The following CDKAL1 variants were observed in gnomAD, a reference collection of about 807,000 sequenced individuals.
The protein encoded by CDKAL1 is threonylcarbamoyladenosine tRNA methylthiotransferase.
Under a neutral mutation model 68.2 loss-of-function variants are expected in CDKAL1, and 32 were observed. That is an observed-to-expected ratio of 0.47 (90% confidence interval 0.35 to 0.63). The LOEUF is 0.63. Among genes scored for constraint, CDKAL1 ranks in the 30% least tolerant of loss-of-function variants. The pLI is 0.00. For missense variants in CDKAL1, 606 were observed against 696.7 expected, an observed-to-expected ratio of 0.87 and a Z score of 1.47; for synonymous variants, 234 against 244.3, an observed-to-expected ratio of 0.96 and a Z score of 0.39.
chr6:21,119,148 C>T (rs552113103), intron 13 of CDKAL1, among the ~76,000 whole-genome samples: 17 of 152,240 alleles, frequency 1.1e-4, no homozygotes, highest in African/African-American at 3.9e-4. Context: ...CCCTCCCTTC[C>T]TCTTTCTTCC....
intron 4 of CDKAL1, among the ~76,000 whole-genome samples, chr6:20,621,224 G>A (rs1767177402): frequency 6.6e-6 from 1 of 152,092 alleles, no homozygotes; most frequent in South Asian, 2.1e-4. Context: ...AGGTTATTAT[G>A]TATTCTAGGA....
In CDKAL1 at chr6:21,232,034, T is replaced by C. The variant is rs191687506; in HGVS notation, c.*995T>C. On this transcript the variant is annotated 3_prime_UTR_variant, in exon 16 of 16. Transcript: ENST00000274695. ...GTTTTTTTTTTTTTTTGAGTCAAGG[T>C]CTCACTCTGTCACCCTGGCTGGAGT... The C allele has an allele frequency of 1.4e-4, 17 of 123,908 alleles. No individual in the cohort carries two copies. The highest frequency in any genetic ancestry group is 4.9e-4 in the African/African-American group (17 of 34,972). The allele number at this position is 123,908 out of a possible 1,614,324, so 7.7% of individuals were successfully genotyped here. A position where few individuals can be genotyped will look rare whatever the true frequency, so the allele number is the denominator to read the frequency against.
At chr6:21,137,377 G>A (rs958359810) in intron 13 of CDKAL1, among the ~76,000 whole-genome samples, 1 of 151,966 alleles carries the variant, frequency 6.6e-6, no homozygotes, top group Non-Finnish European at 1.5e-5. Context: ...GTACTTGACC[G>A]TCACCGCCAC....
chr6:21,063,458 C>T (rs1020996229), intron 11 of CDKAL1, among the ~76,000 whole-genome samples: 2 of 152,184 alleles, frequency 1.3e-5, no homozygotes, highest in Non-Finnish European at 1.5e-5. Context: ...AGCTTGCTAC[C>T]TTATCGCTGA....
At chr6:21,146,719 T>C (rs1776186174) in intron 13 of CDKAL1, among the ~76,000 whole-genome samples, 1 of 151,696 alleles carries the variant, frequency 6.6e-6, no homozygotes, top group Non-Finnish European at 1.5e-5. Context: ...GGCGTGGTGG[T>C]GGGCACCTGT....
At chr6:20,913,867 A>G (rs111846704) in intron 9 of CDKAL1, among the ~76,000 whole-genome samples, 3 of 152,200 alleles carry the variant, frequency 2.0e-5, no homozygotes, top group Non-Finnish European at 4.4e-5. Context: ...GGCACACCAC[A>G]TAGTCCCAAC....
chr6:20,906,024 G>C (rs1432008419), intron 9 of CDKAL1, among the ~76,000 whole-genome samples: 1 of 152,182 alleles, frequency 6.6e-6, no homozygotes, highest in Non-Finnish European at 1.5e-5. Flanking sequence ...ACACATCTCA[G>C]TAAAGATAAA....
rs577389873 is a variant in CDKAL1 at position 21,140,511 on chromosome 6, C to A, written c.1299+32048C>A. Among the ~76,000 whole-genome samples the A allele has an allele frequency of 2.0e-5, 3 of 152,186 alleles. No homozygotes were observed. The South Asian group carries it at 6.2e-4, about 32-fold the overall frequency. The stretch of plus-strand genomic sequence containing the variant: ...CACTGCATGTTTTTAAGAGACTTGC[C>A]CACTTTCTGACCAAATTATCCATCT... On this transcript the variant is annotated intron_variant, in intron 13 of 15. Coordinates refer to ENST00000274695, the MANE Select transcript of CDKAL1 (RefSeq NM_017774.3).
intron 15 of CDKAL1, among the ~76,000 whole-genome samples, chr6:21,202,179 C>T (rs1252260530): frequency 1.3e-5 from 2 of 152,156 alleles, no homozygotes; most frequent in Non-Finnish European, 2.9e-5. Context: ...TGTCTGTGTT[C>T]TCACTGACTG....
intron 9 of CDKAL1, among the ~76,000 whole-genome samples, chr6:20,897,347 G>A (rs768731934): frequency 3.3e-5 from 5 of 152,100 alleles, no homozygotes; most frequent in Non-Finnish European, 5.9e-5. Flanking sequence ...AATTGGGCAC[G>A]AGTGGAGGTA....
At chr6:20,589,359 C>A (rs897787563) in intron 4 of CDKAL1, among the ~76,000 whole-genome samples, 33 of 152,202 alleles carry the variant, frequency 2.2e-4, no homozygotes, top group Admixed American at 2.2e-3. Context: ...ACATTACACA[C>A]ACATGTTCTG....
At chr6:20,826,771 C>T (rs1309452751) in intron 8 of CDKAL1, among the ~76,000 whole-genome samples, 1 of 152,158 alleles carries the variant, frequency 6.6e-6, no homozygotes, top group African/African-American at 2.4e-5. Context: ...TCTGATTAAT[C>T]ACCTGCACTT....
chr6:20,727,714 G>A (rs1290677938), intron 5 of CDKAL1, among the ~76,000 whole-genome samples: 1 of 152,056 alleles, frequency 6.6e-6, no homozygotes, highest in African/African-American at 2.4e-5. Flanking sequence ...TTCTGTGTCT[G>A]CTTTTTCTTA....
At chr6:21,010,044 A>C (rs761907964) in intron 11 of CDKAL1, among the ~76,000 whole-genome samples, 41 of 152,370 alleles carry the variant, frequency 2.7e-4, no homozygotes, top group Non-Finnish European at 5.1e-4. Flanking sequence ...CAGATATCCT[A>C]AATACTCTAA....
chr6:20,951,753 A>G (rs1248676426), intron 9 of CDKAL1, among the ~76,000 whole-genome samples: 1 of 152,198 alleles, frequency 6.6e-6, no homozygotes, highest in Non-Finnish European at 1.5e-5. Context: ...TGGGAAAACG[A>G]AAACAAGTCA....
At chr6:20,746,353 A>C (rs1159002051) in intron 6 of CDKAL1, among the ~76,000 whole-genome samples, 1 of 152,254 alleles carries the variant, frequency 6.6e-6, no homozygotes, top group Non-Finnish European at 1.5e-5. Flanking sequence ...GAAGAGATTA[A>C]AGATGAAAAT....
chr6:20,795,261 A>G (rs1291564339), intron 8 of CDKAL1, among the ~76,000 whole-genome samples: 2 of 152,114 alleles, frequency 1.3e-5, no homozygotes, highest in Non-Finnish European at 2.9e-5. Flanking sequence ...TCTAAATGCT[A>G]ATGGTATGTT....
intron 12 of CDKAL1, among the ~76,000 whole-genome samples, chr6:21,075,443 A>G (rs1410284103): frequency 6.6e-6 from 1 of 152,152 alleles, no homozygotes; most frequent in African/African-American, 2.4e-5. Flanking sequence ...TTGTATTTGT[A>G]TAGGGGGAGA....
intron 3 of CDKAL1, 61 bp from the exon 4 acceptor site, chr6:20,548,532 C>CAA (rs370920469): frequency 1.5e-4 from 101 of 684,074 alleles, no homozygotes; most frequent in East Asian, 2.1e-4. Context: ...GACCCTGGAT[C>CAA]AAAAAAAAAA....
Sources: allele counts gnomAD v4.1 joint callset (sites outside exome capture counted in the v4.1 genomes callset), GRCh38; gene constraint gnomAD v4.1.1; transcripts MANE v1.5; gene names NCBI Gene and HGNC (gene_info 2026-07-23, HGNC 2026-07-21).